Variants in SPPL2A observed in about 807,000 individuals in gnomAD.
SPPL2A encodes signal peptide peptidase-like 2A.
Under a neutral mutation model 63.8 loss-of-function variants are expected in SPPL2A, and 51 were observed. The ratio of observed to expected loss-of-function variants is 0.80; its 90% CI spans 0.64 to 1.01. The LOEUF is 1.01. Ranked by LOEUF, SPPL2A falls within the 50% of genes least tolerant of loss-of-function variation. The pLI is 0.00. For missense variants in SPPL2A, 553 were observed against 622.7 expected, an observed-to-expected ratio of 0.89 and a Z score of 1.19; for synonymous variants, 188 against 205.8, an observed-to-expected ratio of 0.91 and a Z score of 0.74.
At chr15:50,736,323 T>C (rs2062771004) in intron 7 of SPPL2A, 121 bp from the exon 8 acceptor site, 1 of 652,422 alleles carries the variant, frequency 1.5e-6, no homozygotes, top group Non-Finnish European at 2.7e-6. Flanking sequence ...TTGAAAGTCT[T>C]GATTTTAAGT....
At chr15:50,710,649 G>C (rs2062548648) in intron 14 of SPPL2A, among the ~76,000 whole-genome samples, 1 of 152,170 alleles carries the variant, frequency 6.6e-6, no homozygotes, top group Admixed American at 6.6e-5. Flanking sequence ...AGCTCTGCTT[G>C]CTTATAATTG....
rs1184607319 is a variant in SPPL2A, at chr15:50,706,661, C to T, written c.*1139G>A. The T allele has an allele frequency of 6.6e-6, 1 of 151,792 alleles. No individual in the cohort carries two copies. Among genetic ancestry groups the T allele is most frequent in the Non-Finnish European group, 1.5e-5 (1 of 67,980 alleles). 9.4% of individuals were successfully genotyped at this position (151,792 alleles called of 1,614,324 possible). On this transcript the variant is annotated 3_prime_UTR_variant, in exon 15 of 15. Transcript: ENST00000261854. ...ATAATGTTAGGAATGCTGTATTCAA[C>T]GATGAGCCATATGTATTAATACATA... is the stretch of plus-strand genomic sequence containing the variant.
intron 14 of SPPL2A, among the ~76,000 whole-genome samples, chr15:50,713,191 G>C (rs1299597138): frequency 6.6e-6 from 1 of 151,748 alleles, no homozygotes. Flanking sequence ...TTTTAAAAGG[G>C]AAATAATTTT....
chr15:50,749,544 C>T (rs1488853169), intron 2 of SPPL2A, 92 bp downstream of exon 2: 4 of 836,314 alleles, frequency 4.8e-6, no homozygotes, highest in South Asian at 1.4e-5. Flanking sequence ...CCTTGGCCTC[C>T]CAAAGTGCTG....
chr15:50,739,353 A>T (rs2062799600), intron 6 of SPPL2A, among the ~76,000 whole-genome samples: 1 of 151,414 alleles, frequency 6.6e-6, no homozygotes, highest in Admixed American at 6.6e-5. Flanking sequence ...TAATTTCTGT[A>T]TTTTCAGTAT....
At chr15:50,725,357 AAAC>A (rs774622413) in intron 11 of SPPL2A, 34 bp from the exon 12 acceptor site, 3 of 1,166,472 alleles carry the variant, frequency 2.6e-6, no homozygotes, top group East Asian at 2.4e-5. Flanking sequence ...AAACAAAACA[AAAC>A]AAAAAACAAA....
chr15:50,718,613 T>C (rs904440345), intron 14 of SPPL2A, among the ~76,000 whole-genome samples: 11 of 152,264 alleles, frequency 7.2e-5, no homozygotes, highest in Middle Eastern at 3.4e-3. Flanking sequence ...CAGTATAAGT[T>C]GAGACAACAG....
chr15:50,752,206 A>T (rs888528511), intron 1 of SPPL2A, among the ~76,000 whole-genome samples: 2 of 152,144 alleles, frequency 1.3e-5, no homozygotes, highest in Non-Finnish European at 2.9e-5. Context: ...TTAATTTTTT[A>T]AAAATTTCAG....
intron 9 of SPPL2A, 101 bp downstream of exon 9, chr15:50,732,502 A>G: frequency 1.5e-6 from 1 of 663,702 alleles, no homozygotes; most frequent in Non-Finnish European, 2.6e-6. Flanking sequence ...CATAAACAGT[A>G]CGCCAAAAAT....
intron 14 of SPPL2A, among the ~76,000 whole-genome samples, chr15:50,715,500 G>A (rs1227922938): frequency 6.8e-6 from 1 of 147,608 alleles, no homozygotes; most frequent in East Asian, 2.1e-4. Context: ...ATAACTTTAT[G>A]TATACAACAA....
intron 14 of SPPL2A, among the ~76,000 whole-genome samples, chr15:50,711,057 T>G (rs1180652277): frequency 1.3e-5 from 2 of 152,162 alleles, no homozygotes; most frequent in Non-Finnish European, 2.9e-5. Context: ...TTATACTAAT[T>G]AGAACTAAGA....
chr15:50,708,126 T>C (rs2062526357), intron 14 of SPPL2A, among the ~76,000 whole-genome samples: 1 of 152,192 alleles, frequency 6.6e-6, no homozygotes, highest in Admixed American at 6.5e-5. Flanking sequence ...GTTATCTCCA[T>C]TTCCCAATAT....
At chr15:50,737,431 G>A (rs1028453549) in intron 6 of SPPL2A, among the ~76,000 whole-genome samples, 1 of 152,078 alleles carries the variant, frequency 6.6e-6, no homozygotes, top group Non-Finnish European at 1.5e-5. Context: ...CTCAACAACA[G>A]TTTAAAATGA....
chr15:50,748,892 T>C, intron 2 of SPPL2A, 22 bp from the exon 3 acceptor site: 2 of 1,499,846 alleles, frequency 1.3e-6, no homozygotes, highest in Non-Finnish European at 1.8e-6. Context: ...AAATGTCTTT[T>C]TAACATGTTA....
At chr15:50,746,896 G>A (rs529734847) in intron 5 of SPPL2A, 1 of 152,730 alleles carries the variant, frequency 6.5e-6, no homozygotes, top group African/African-American at 2.4e-5. Flanking sequence ...TCAAACTCCT[G>A]ACCTCAGGTG....
Position 50,707,367 on chromosome 15 carries a change from T to C in SPPL2A, c.*433A>G, listed in dbSNP as rs1231355604. The C allele has an allele frequency of 6.5e-6, 1 of 153,290 alleles. No individual in the cohort carries two copies. The highest frequency in any genetic ancestry group is 1.5e-5 in the Non-Finnish European group (1 of 68,794). 9.5% of individuals were successfully genotyped at this position (153,290 alleles called of 1,614,324 possible). On this transcript the variant is annotated 3_prime_UTR_variant, in exon 15 of 15. Coordinates refer to ENST00000261854, the MANE Select transcript of SPPL2A (RefSeq NM_032802.4). ...CTCCTGACCTCGTGATCCGCCCGCC[T>C]TGGCCTCCCAAAGTGTTGGGATTAC...
At chr15:50,714,648 ATT>A (rs869303656) in intron 14 of SPPL2A, among the ~76,000 whole-genome samples, 8 of 119,292 alleles carry the variant, frequency 6.7e-5, no homozygotes, top group South Asian at 3.1e-4. Flanking sequence ...AAAAAAAAAA[ATT>A]TTTTTTCTTG....
intron 1 of SPPL2A, among the ~76,000 whole-genome samples, chr15:50,758,070 C>T (rs1312669328): frequency 6.7e-6 from 1 of 148,252 alleles, no homozygotes; most frequent in Non-Finnish European, 1.5e-5. Flanking sequence ...GGGTGGATCA[C>T]GAGGTCAGGA....
chr15:50,718,609 A>G (rs758667254), intron 14 of SPPL2A, among the ~76,000 whole-genome samples: 4 of 152,182 alleles, frequency 2.6e-5, no homozygotes, highest in Non-Finnish European at 5.9e-5. Flanking sequence ...ATAACAGTAT[A>G]AGTTGAGACA....
Sources: gnomAD v4.1 joint callset for allele counts (sites outside exome capture counted in the v4.1 genomes callset) on GRCh38, gnomAD v4.1.1 for gene constraint, MANE v1.5 for transcripts, NCBI Gene and HGNC (gene_info 2026-07-23, HGNC 2026-07-21) for gene names.